The following PML variants were observed in gnomAD, a reference collection of about 807,000 sequenced individuals.
PML encodes protein PML.
PML carries 28 observed loss-of-function variants against 65.2 expected under a neutral mutation model. The observed-to-expected ratio is 0.43, with a 90% CI of 0.32 to 0.59. The LOEUF (loss-of-function observed/expected upper bound fraction) is 0.59. Among genes scored for constraint, PML ranks in the 20% least tolerant of loss-of-function variants. PML has a pLI of 0.08. For missense variants in PML, 1,021 were observed against 1,203.4 expected (o/e 0.85, Z 2.24); for synonymous variants, 500 against 508.8 (o/e 0.98, Z 0.23).
At chr15:74,027,804 T>G (rs1274486945) in intron 4 of PML, 1 of 152,312 alleles carries the variant, frequency 6.6e-6, no homozygotes, top group African/African-American at 2.4e-5. Context: ...AGCCTCTGGC[T>G]TCAATCCTTG....
chr15:74,003,599 A>G (rs1315014655), intron 2 of PML, among the ~76,000 whole-genome samples: 2 of 152,176 alleles, frequency 1.3e-5, no homozygotes, highest in African/African-American at 4.8e-5. Flanking sequence ...TCACTTTCAG[A>G]TTTAGTTGAA....
At chr15:74,019,459 AATACATTC>A (rs373190084) in intron 2 of PML, among the ~76,000 whole-genome samples, 1 of 152,362 alleles carries the variant, frequency 6.6e-6, no homozygotes, top group Non-Finnish European at 1.5e-5. Flanking sequence ...CAAAAAAAGG[AATACATTC>A]ATACATTCAC....
At chr15:74,005,418 T>A (rs551700708) in intron 2 of PML, among the ~76,000 whole-genome samples, 1 of 151,662 alleles carries the variant, frequency 6.6e-6, no homozygotes, top group Admixed American at 6.6e-5. Context: ...GAACATATTT[T>A]ACATCTTTTA....
chr15:74,004,840 G>A (rs1484924907), intron 2 of PML, among the ~76,000 whole-genome samples: 1 of 151,498 alleles, frequency 6.6e-6, no homozygotes, highest in Non-Finnish European at 1.5e-5. Context: ...CCAAGTAGCT[G>A]GAACTACAGG....
In PML at chr15:74,046,217, T is replaced by G. The variant is rs1005677680; in HGVS notation, c.*1209T>G. The G allele has an allele frequency of 8.6e-6, 2 of 233,226 alleles. No homozygotes were observed. The highest frequency in any genetic ancestry group is 1.7e-5 in the Non-Finnish European group (2 of 118,002). The allele number at this position is 233,226 out of a possible 1,614,324, so 14.4% of individuals were successfully genotyped here. A position where few individuals can be genotyped will look rare whatever the true frequency, so the allele number is the denominator to read the frequency against. On this transcript the variant is annotated 3_prime_UTR_variant, in exon 9 of 9. Transcript: ENST00000268058. ...ACAGGAAGACTTCTCATCCTTGAAT[T>G]CTAGCTCCCATTCCAAACTGTTAGT...
At chr15:74,039,076 G>T (rs1470487522) in intron 7 of PML, among the ~76,000 whole-genome samples, 1 of 152,220 alleles carries the variant, frequency 6.6e-6, no homozygotes, top group African/African-American at 2.4e-5. Context: ...TACTGGCTCC[G>T]GTGCCTTGGT....
intron 2 of PML, among the ~76,000 whole-genome samples, chr15:74,018,333 A>AAAG (rs1555441798): frequency 4.0e-4 from 61 of 151,902 alleles, no homozygotes; most frequent in African/African-American, 1.4e-3. Context: ...AAAAAAAAAA[A>AAAG]AAAAGAAAAG....
rs372202858 is a variant in PML, at chr15:74,006,390, C to CAAAAAAAA, written c.602+7927_602+7934dup. ...TGGGCGACAGAGCGAGACTCCGTCT[C>CAAAAAAAA]AAAAAAAAAAAAAAAAAAAAGAAAG... On this transcript the variant is annotated intron_variant, in intron 2 of 8. Transcript: ENST00000268058. Among the ~76,000 whole-genome samples the CAAAAAAAA allele has an allele frequency of 1.1e-4, 10 of 87,456 alleles. 1 individual carries two copies. The highest frequency in any genetic ancestry group is 8.6e-4 in the South Asian group (2 of 2,318). The allele number at this position is 87,456 out of a possible 152,430, so 57.4% of individuals were successfully genotyped here. A position where few individuals can be genotyped will look rare whatever the true frequency, so the allele number is the denominator to read the frequency against.
Position 74,044,833 on chromosome 15 carries a change from G to A in PML, c.2474G>A (p.Arg825His), listed in dbSNP as rs1196974578. Residue 825 changes from arginine (R) to histidine (H), a missense_variant, in exon 9 of 9, where the codon CGC becomes CAC. Physicochemically the swap from Arg to His is conservative, Grantham distance 29. Coordinates refer to ENST00000268058, the MANE Select transcript of PML (RefSeq NM_033238.3). ...DRQGGLKKYS[R>H]YLSLQTTTLP... ...CAGGGGGGCCTGAAGAAGTACAGCCGCTATCTAAGCCTGCAGACCACCACG... is the reference window on the plus strand; with the variant it reads ...CAGGGGGGCCTGAAGAAGTACAGCCACTATCTAAGCCTGCAGACCACCACG... 1.2e-5 allele frequency: 19 copies of A among 1,613,158 alleles called. No individual in the cohort carries two copies. In the East Asian group the frequency reaches 1.3e-4, roughly 11 times the overall value.
chr15:73,995,483 C>T (rs1425507072), intron 1 of PML, among the ~76,000 whole-genome samples: 1 of 152,224 alleles, frequency 6.6e-6, no homozygotes, highest in African/African-American at 2.4e-5. Flanking sequence ...TCTCTTGCCA[C>T]ACCTTTCCTG....
intron 2 of PML, among the ~76,000 whole-genome samples, chr15:74,015,116 T>A (rs1320837360): frequency 6.6e-6 from 1 of 152,208 alleles, no homozygotes; most frequent in Non-Finnish European, 1.5e-5. Flanking sequence ...TGGTATCTTC[T>A]TCTCCAAGAC....
In PML at chr15:74,044,524, G is replaced by T. The variant is rs1408649253; in HGVS notation, c.2165G>T (p.Ser722Ile). The change falls in exon 9 of 9, where the codon AGC (serine) becomes ATC (isoleucine). Residue 722 changes from serine to isoleucine, a missense_variant. Ser to Ile is a moderately radical substitution (Grantham distance 142). Transcript: ENST00000268058. The part of the protein sequence containing the change: ...PLIRERVPGA[S>I]SFKLKNLAQT... ...ATCCGGGAGCGTGTGCCCGGGGCCA[G>T]CAGCTTCAAACTCAAGAACCTGGCC... 6.2e-7 allele frequency: 1 copy of T among 1,613,858 alleles called. No individual in the cohort carries two copies. The highest frequency in any genetic ancestry group is 1.7e-5 in the Admixed American group (1 of 60,014).
chr15:74,033,603 C>A, intron 6 of PML, 189 bp downstream of exon 6: 1 of 741,218 alleles, frequency 1.3e-6, no homozygotes, highest in Non-Finnish European at 2.4e-6. Flanking sequence ...ATGTGTTTTG[C>A]CATGATTGAG....
At chr15:74,014,631 G>A (rs868675774) in intron 2 of PML, among the ~76,000 whole-genome samples, 13 of 151,908 alleles carry the variant, frequency 8.6e-5, no homozygotes, top group South Asian at 6.3e-4. Flanking sequence ...GCGTGGTGGC[G>A]GGTGCCTATA....
chr15:74,023,667 G>A (rs919405287), intron 3 of PML, among the ~76,000 whole-genome samples: 5 of 152,268 alleles, frequency 3.3e-5, no homozygotes, highest in African/African-American at 1.2e-4. Context: ...GACTCATGGG[G>A]AACACGTGAA....
At chr15:74,041,852 A>G (rs2141895003) in intron 7 of PML, among the ~76,000 whole-genome samples, 1 of 152,358 alleles carries the variant, frequency 6.6e-6, no homozygotes. Flanking sequence ...CACCAACTTC[A>G]TTGAGAAGCC....
At chr15:74,020,589 T>A (rs2070791482) in intron 2 of PML, among the ~76,000 whole-genome samples, 1 of 152,208 alleles carries the variant, frequency 6.6e-6, no homozygotes, top group Non-Finnish European at 1.5e-5. Flanking sequence ...TGGGTTTTTA[T>A]ATTTTCTTTC....
rs901482287 is a variant in PML at position 74,047,812 on chromosome 15, GAAAAA to G, written c.*2807_*2811del. ...GAAAATAAACACATTTTAGATCTTAGAAAAAAACAAAAAAACATGGGCTTGTCTTC... is the reference window on the plus strand; with the variant it reads ...GAAAATAAACACATTTTAGATCTTAGAACAAAAAAACATGGGCTTGTCTTC... On this transcript the variant is annotated 3_prime_UTR_variant, in exon 9 of 9. Transcript: ENST00000268058. 5.7e-6 allele frequency: 1 copy of G among 176,976 alleles called. No homozygotes were observed. The highest frequency in any genetic ancestry group is 6.3e-5 in the Admixed American group (1 of 15,810). 11.0% of individuals were successfully genotyped at this position (176,976 alleles called of 1,614,324 possible).
At chr15:74,032,482 C>A in intron 4 of PML, 90 bp from the exon 5 acceptor site, 2 of 1,404,722 alleles carry the variant, frequency 1.4e-6, no homozygotes, top group South Asian at 1.2e-5. Context: ...CTTGGTGAGG[C>A]CCCAGGGATT....
Sources: gnomAD v4.1 joint callset for allele counts (sites outside exome capture counted in the v4.1 genomes callset) on GRCh38, gnomAD v4.1.1 for gene constraint, MANE v1.5 for transcripts, NCBI Gene and HGNC (gene_info 2026-07-23, HGNC 2026-07-21) for gene names.